The following FER1L6 variants were observed in gnomAD, a reference collection of about 807,000 sequenced individuals.
The protein encoded by FER1L6 is fer-1-like protein 6.
A neutral mutation model predicts 219.2 loss-of-function variants in FER1L6; 177 were observed. The observed-to-expected ratio is 0.81, with a 90% CI of 0.71 to 0.91. The LOEUF is 0.91. Ranked by LOEUF, FER1L6 falls within the 40% of genes least tolerant of loss-of-function variation. FER1L6 has a pLI of 0.00. For synonymous variants in FER1L6, 768 were observed against 824.3 expected (o/e 0.93, Z 1.17); for missense variants, 2,153 against 2,259.9 (o/e 0.95, Z 0.96).
intron 20 of FER1L6, among the ~76,000 whole-genome samples, chr8:124,040,246 G>A (rs1454786924): frequency 6.6e-6 from 1 of 152,216 alleles, no homozygotes; most frequent in Non-Finnish European, 1.5e-5. Flanking sequence ...AAGGAAGGCT[G>A]GGAGAAAAAG....
At chr8:123,855,133 C>G (rs561281222) in intron 1 of FER1L6, among the ~76,000 whole-genome samples, 1 of 152,192 alleles carries the variant, frequency 6.6e-6, no homozygotes, top group Non-Finnish European at 1.5e-5. Context: ...TAAATGGAAT[C>G]GAAGGTTGCC....
intron 32 of FER1L6, among the ~76,000 whole-genome samples, chr8:124,078,857 G>A (rs1196539151): frequency 6.6e-6 from 1 of 152,142 alleles, no homozygotes; most frequent in Non-Finnish European, 1.5e-5. Context: ...GAATTTCCCA[G>A]GGCTTCCTTA....
At chr8:123,920,960 C>T (rs539961888) in intron 1 of FER1L6, among the ~76,000 whole-genome samples, 20 of 152,298 alleles carry the variant, frequency 1.3e-4, no homozygotes, top group African/African-American at 4.6e-4. Flanking sequence ...TTGGTCTTTT[C>T]GTGCCTAACT....
At chr8:124,064,637 C>A in intron 26 of FER1L6, 64 bp downstream of exon 26, 1 of 1,448,658 alleles carries the variant, frequency 6.9e-7, no homozygotes, top group Non-Finnish European at 9.5e-7. Flanking sequence ...AGGTCTCAGA[C>A]AATATGAAGT....
chr8:123,859,773 A>G (rs1374283760), intron 1 of FER1L6, among the ~76,000 whole-genome samples: 2 of 132,552 alleles, frequency 1.5e-5, no homozygotes, highest in Non-Finnish European at 3.1e-5. Flanking sequence ...TCATTGTTCA[A>G]TTCCCACCTA....
rs1327990199 is a variant in FER1L6 at position 123,887,332 on chromosome 8, G to T, written c.-8+35147G>T. Among the ~76,000 whole-genome samples, 8 of 152,098 alleles carry T rather than the reference G, an allele frequency of 5.3e-5. No individual in the cohort carries two copies. The South Asian group carries it at 1.0e-3, about 20-fold the overall frequency. On this transcript the variant is annotated intron_variant, in intron 1 of 40. Coordinates refer to ENST00000522917, the MANE Select transcript of FER1L6 (RefSeq NM_001039112.2). ...CCCCGGTGTTTTGGTAACAGATTTTGTTTCCCTGATTGGGAACCGATTTGG... is the reference window on the plus strand; with the variant it reads ...CCCCGGTGTTTTGGTAACAGATTTTTTTTCCCTGATTGGGAACCGATTTGG...
At chr8:123,951,387 G>GGA (rs796438382) in intron 1 of FER1L6, among the ~76,000 whole-genome samples, 4 of 152,304 alleles carry the variant, frequency 2.6e-5, no homozygotes, top group African/African-American at 9.6e-5. Context: ...AGAAAATCAT[G>GGA]GAGAGAGAGA....
chr8:123,903,390 C>T (rs541020928), intron 1 of FER1L6, among the ~76,000 whole-genome samples: 47 of 152,280 alleles, frequency 3.1e-4, no homozygotes, highest in African/African-American at 8.7e-4. Context: ...TACGCATGAT[C>T]GTAACATCGT....
chr8:124,105,392 CT>C (rs1822724925), intron 39 of FER1L6, among the ~76,000 whole-genome samples: 1 of 152,202 alleles, frequency 6.6e-6, no homozygotes, highest in African/African-American at 2.4e-5. Flanking sequence ...GGACTTCATT[CT>C]CAAAGGAAAG....
intron 14 of FER1L6, among the ~76,000 whole-genome samples, chr8:124,011,612 C>A (rs1016615712): frequency 6.6e-6 from 1 of 150,810 alleles, no homozygotes; most frequent in Non-Finnish European, 1.5e-5. Flanking sequence ...CCCAAGAAGT[C>A]GGAACTACAG....
At chr8:124,017,818 A>G (rs1586596837) in intron 16 of FER1L6, 100 bp downstream of exon 16, 1 of 891,168 alleles carries the variant, frequency 1.1e-6, no homozygotes, top group East Asian at 2.6e-5. Flanking sequence ...TTTAAAGGTC[A>G]TACATTTTTG....
At chr8:124,051,696 C>T (rs1462923348) in intron 22 of FER1L6, among the ~76,000 whole-genome samples, 2 of 152,168 alleles carry the variant, frequency 1.3e-5, no homozygotes, top group African/African-American at 2.4e-5. Context: ...CAGAGAGTCC[C>T]ACCAGAGCTG....
chr8:124,020,714 G>A (rs546920870), intron 16 of FER1L6, among the ~76,000 whole-genome samples: 7 of 152,228 alleles, frequency 4.6e-5, no homozygotes, highest in African/African-American at 1.2e-4. Context: ...CAGTAGCTGC[G>A]TTACTGCTTC....
In FER1L6 at chr8:124,091,534, A is replaced by G. The variant is rs1822028965; in HGVS notation, c.4503A>G (p.Ile1501Met). The change falls in exon 34 of 41, where the codon ATA becomes ATG. Residue 1501 changes from isoleucine (I) to methionine (M), a missense_variant. Coordinates refer to ENST00000522917, the MANE Select transcript of FER1L6 (RefSeq NM_001039112.2). ...ACTTTCACCCTGGGAAAATACAGAT[A>G]GGAAACCAAGTCTTTTCTGGAAAAA... Reference protein sequence around the residue: ...GPYFHPGKIQIGNQVFSGKTI... With the variant: ...GPYFHPGKIQMGNQVFSGKTI... 2 of 1,614,122 alleles carry G rather than the reference A, an allele frequency of 1.2e-6. No individual in the cohort carries two copies. Among genetic ancestry groups the G allele is most frequent in the Non-Finnish European group, 1.7e-6 (2 of 1,179,936 alleles).
intron 3 of FER1L6, 58 bp downstream of exon 3, chr8:123,963,456 G>T (rs1285678777): frequency 6.3e-7 from 1 of 1,590,642 alleles, no homozygotes; most frequent in African/African-American, 1.3e-5. Context: ...TATGTGCCAA[G>T]CACCTCTACA....
At chr8:123,881,358 A>G (rs1443401496) in intron 1 of FER1L6, among the ~76,000 whole-genome samples, 5 of 152,152 alleles carry the variant, frequency 3.3e-5, no homozygotes, top group African/African-American at 1.2e-4. Context: ...TGCAGAATGT[A>G]CCCAATTCAC....
At chr8:124,039,477 G>A (rs1819369180) in intron 19 of FER1L6, among the ~76,000 whole-genome samples, 1 of 152,126 alleles carries the variant, frequency 6.6e-6, no homozygotes, top group African/African-American at 2.4e-5. Flanking sequence ...AGTAAAATTT[G>A]ATATTTTAGA....
At chr8:123,986,245 T>C in intron 12 of FER1L6, 69 bp downstream of exon 12, 2 of 941,924 alleles carry the variant, frequency 2.1e-6, no homozygotes, top group South Asian at 2.9e-5. Flanking sequence ...AATAAATGAG[T>C]TAGTGCCTTA....
chr8:123,856,638 T>C, intron 1 of FER1L6, among the ~76,000 whole-genome samples: 1 of 151,764 alleles, frequency 6.6e-6, no homozygotes, highest in East Asian at 1.9e-4. Flanking sequence ...AAACACTTCC[T>C]CATCATGTCC....
Sources: gnomAD v4.1 joint callset for allele counts (sites outside exome capture counted in the v4.1 genomes callset) on GRCh38, gnomAD v4.1.1 for gene constraint, MANE v1.5 for transcripts, NCBI Gene and HGNC (gene_info 2026-07-23, HGNC 2026-07-21) for gene names.